The following MAP4K3 variants were observed in gnomAD, a reference collection of about 807,000 sequenced individuals.
MAP4K3 encodes mitogen-activated protein kinase kinase kinase kinase 3.
Under a neutral mutation model 143.5 loss-of-function variants are expected in MAP4K3, and 94 were observed. That is an observed-to-expected ratio of 0.65 (90% CI 0.55 to 0.78). The LOEUF (loss-of-function observed/expected upper bound fraction) is 0.78. Ranked by LOEUF, MAP4K3 falls within the 30% of genes least tolerant of loss-of-function variation. The pLI, the probability that MAP4K3 is intolerant of heterozygous loss-of-function variation, is 0.00. For synonymous variants in MAP4K3, 416 were observed against 347.2 expected (o/e 1.20, Z -2.20); for missense variants, 1,077 against 1,068.1 (o/e 1.01, Z -0.12).
At chr2:39,365,777 G>T (rs1665906344) in intron 2 of MAP4K3, among the ~76,000 whole-genome samples, 1 of 152,162 alleles carries the variant, frequency 6.6e-6, no homozygotes, top group Non-Finnish European at 1.5e-5. Context: ...ATAGCCAAGA[G>T]AAAAATGTAA....
chr2:39,431,321 T>G (rs1665278720), intron 1 of MAP4K3, among the ~76,000 whole-genome samples: 1 of 152,176 alleles, frequency 6.6e-6, no homozygotes, highest in African/African-American at 2.4e-5. Flanking sequence ...GCATTTGTGA[T>G]TAAATGCCTA....
intron 15 of MAP4K3, among the ~76,000 whole-genome samples, chr2:39,304,462 G>C (rs1682622599): frequency 6.6e-6 from 1 of 152,134 alleles, no homozygotes; most frequent in African/African-American, 2.4e-5. Context: ...ACAGTGCCAA[G>C]ATTTTAGAAT....
chr2:39,264,947 G>A (rs1036295197), intron 28 of MAP4K3, among the ~76,000 whole-genome samples: 5 of 152,112 alleles, frequency 3.3e-5, no homozygotes, highest in African/African-American at 1.2e-4. Context: ...TCCTGTTTCT[G>A]CCATCAGGCT....
chr2:39,300,453 A>G (rs971545712), intron 15 of MAP4K3, among the ~76,000 whole-genome samples: 2 of 152,226 alleles, frequency 1.3e-5, no homozygotes, highest in Non-Finnish European at 2.9e-5. Context: ...TTAACATTTA[A>G]AAGGATGAAC....
chr2:39,316,900 T>C (rs1297720769), intron 12 of MAP4K3, among the ~76,000 whole-genome samples: 1 of 152,076 alleles, frequency 6.6e-6, no homozygotes, highest in African/African-American at 2.4e-5. Flanking sequence ...TTAAAATTTA[T>C]AGAAAACTCT....
chr2:39,282,301 C>T (rs1681570027), intron 22 of MAP4K3, among the ~76,000 whole-genome samples: 1 of 151,974 alleles, frequency 6.6e-6, no homozygotes, highest in African/African-American at 2.4e-5. Flanking sequence ...AATTCGAGAC[C>T]AGCCTGGCCA....
At chr2:39,280,171 T>TC (rs1399499236) in intron 23 of MAP4K3, 101 bp downstream of exon 23, 2 of 655,580 alleles carry the variant, frequency 3.1e-6, no homozygotes, top group African/African-American at 3.6e-5. Context: ...AAACTTTTTT[T>TC]CCCCAGAAAG....
chr2:39,314,468 T>C (rs1164058829), intron 13 of MAP4K3, among the ~76,000 whole-genome samples: 2 of 152,246 alleles, frequency 1.3e-5, no homozygotes, highest in Non-Finnish European at 2.9e-5. Context: ...TTAGCAAATT[T>C]AAAACGTGAC....
At chr2:39,390,475 T>C (rs994612180) in intron 1 of MAP4K3, among the ~76,000 whole-genome samples, 4 of 152,322 alleles carry the variant, frequency 2.6e-5, no homozygotes, top group South Asian at 2.1e-4. Context: ...ATGGTTTTAA[T>C]ACTACTCAAG....
intron 2 of MAP4K3, among the ~76,000 whole-genome samples, chr2:39,370,959 A>G (rs1666065373): frequency 1.3e-5 from 2 of 152,164 alleles, no homozygotes; most frequent in Admixed American, 6.5e-5. Context: ...CAAAGAATAT[A>G]TATATAAATT....
At chr2:39,419,526 AGCTCC>A (rs1667488792) in intron 1 of MAP4K3, among the ~76,000 whole-genome samples, 1 of 152,202 alleles carries the variant, frequency 6.6e-6, no homozygotes, top group Non-Finnish European at 1.5e-5. Flanking sequence ...TAAAAATAGC[AGCTCC>A]GCCCAGTAAT....
intron 27 of MAP4K3, among the ~76,000 whole-genome samples, chr2:39,265,700 G>C (rs138942710): frequency 6.6e-6 from 1 of 152,246 alleles, no homozygotes; most frequent in Non-Finnish European, 1.5e-5. Flanking sequence ...TGGTTCACAA[G>C]GTGCTTTTGG....
intron 31 of MAP4K3, among the ~76,000 whole-genome samples, chr2:39,256,880 G>T (rs1680362372): frequency 6.6e-6 from 1 of 152,152 alleles, no homozygotes; most frequent in Non-Finnish European, 1.5e-5. Flanking sequence ...TCTCCTGTGG[G>T]ATACTTTTGT....
rs1304017529 is a variant in MAP4K3 at position 39,258,421 on chromosome 2, A to G, written c.2397T>C (p.Asn799=). The change falls in exon 31 of 34, where the codon AAT becomes AAC. Residue 799 remains asparagine, a synonymous_variant. Coordinates refer to ENST00000263881, the MANE Select transcript of MAP4K3 (RefSeq NM_003618.4). ...TGCTAGATTTTAATCTTCCTTGGAG[A>G]TTTACTATTTTTATACAACCTAGAG... is the stretch of plus-strand genomic sequence containing the variant. ...VCLDCCIKIV[N]LQGRLKSSRK... 2 of 1,610,712 alleles carry G rather than the reference A, an allele frequency of 1.2e-6. No homozygotes were observed. Among genetic ancestry groups the G allele is most frequent in the East Asian group, 2.2e-5 (1 of 44,810 alleles).
At chr2:39,412,024 C>G (rs1667245058) in intron 1 of MAP4K3, among the ~76,000 whole-genome samples, 1 of 152,190 alleles carries the variant, frequency 6.6e-6, no homozygotes, top group South Asian at 2.1e-4. Flanking sequence ...CAGTAGTACA[C>G]TAACTCTGCA....
chr2:39,362,829 G>A (rs1179216584), intron 2 of MAP4K3, among the ~76,000 whole-genome samples: 1 of 152,140 alleles, frequency 6.6e-6, no homozygotes, highest in Non-Finnish European at 1.5e-5. Flanking sequence ...AAACAATATG[G>A]CACTGGCATA....
chr2:39,293,079 T>G (rs889054075), intron 17 of MAP4K3, 151 bp downstream of exon 17: 2 of 715,184 alleles, frequency 2.8e-6, no homozygotes, highest in Non-Finnish European at 4.9e-6. Context: ...ATCATACCAC[T>G]GCAATCCAGC....
chr2:39,340,125 A>T (rs370075407), intron 4 of MAP4K3, among the ~76,000 whole-genome samples: 1 of 152,224 alleles, frequency 6.6e-6, no homozygotes, highest in African/African-American at 2.4e-5. Flanking sequence ...AAGCACTAGG[A>T]TTATTAAAAG....
intron 1 of MAP4K3, among the ~76,000 whole-genome samples, chr2:39,413,842 CA>C (rs1667297379): frequency 6.6e-6 from 1 of 151,850 alleles, no homozygotes; most frequent in Non-Finnish European, 1.5e-5. Flanking sequence ...TTTTGTCACT[CA>C]AGAGGGGCTT....
Sources: gnomAD v4.1 joint callset for allele counts (sites outside exome capture counted in the v4.1 genomes callset) on GRCh38, gnomAD v4.1.1 for gene constraint, MANE v1.5 for transcripts, NCBI Gene and HGNC (gene_info 2026-07-23, HGNC 2026-07-21) for gene names.